RSF1: variants seen among roughly 807,000 people sequenced by gnomAD.
RSF1 encodes the protein remodeling and spacing factor 1, also known as HBV pX-associated protein 8.
RSF1 carries 13 observed loss-of-function variants against 145.2 expected under a neutral mutation model. The observed-to-expected ratio is 0.09, with a 90% confidence interval of 0.06 to 0.14. The LOEUF (loss-of-function observed/expected upper bound fraction) is 0.14, where lower values mean the gene tolerates loss of function less well. Among genes scored for constraint, RSF1 ranks in the 10% least tolerant of loss-of-function variants. The probability of loss-of-function intolerance (pLI) is 1.00; values close to 1 mark genes in which losing one functional copy is unlikely to be tolerated. For missense variants in RSF1, 1,517 were observed against 1,718.2 expected, an observed-to-expected ratio of 0.88 and a Z score of 2.07; for synonymous variants, 577 against 592.6, an observed-to-expected ratio of 0.97 and a Z score of 0.38.
Position 77,756,068 on chromosome 11 carries a change from AC to A in RSF1, c.279+8529del, listed in dbSNP as rs1345175293. 3.3e-5 allele frequency among the ~76,000 whole-genome samples: 5 copies of A among 152,106 alleles called. No homozygotes were observed. The East Asian group carries it at 7.7e-4, about 23-fold the overall frequency. On this transcript the variant is annotated intron_variant, in intron 2 of 15. Coordinates refer to ENST00000308488, the MANE Select transcript of RSF1 (RefSeq NM_016578.4). Reference sequence around the variant, plus strand: ...AGGTAACATAACACATCCTAAAGAAACTTTTCAGGCCAGGCGTGGTGGCTCA... The same window carrying A: ...AGGTAACATAACACATCCTAAAGAAATTTTCAGGCCAGGCGTGGTGGCTCA...
intron 7 of RSF1, among the ~76,000 whole-genome samples, chr11:77,696,687 T>C (rs2135847241): frequency 6.6e-6 from 1 of 152,336 alleles, no homozygotes; most frequent in South Asian, 2.1e-4. Flanking sequence ...AGTGATGCTT[T>C]TTTTTCTTGA....
intron 5 of RSF1, chr11:77,703,308 G>T (rs1315104517): frequency 6.6e-6 from 1 of 152,060 alleles, no homozygotes; most frequent in Non-Finnish European, 1.5e-5. Flanking sequence ...CCTAATACTA[G>T]TGCAGATTTA....
chr11:77,737,466 A>C (rs922976476), intron 4 of RSF1, among the ~76,000 whole-genome samples: 8 of 144,298 alleles, frequency 5.5e-5, no homozygotes, highest in East Asian at 2.0e-4. Flanking sequence ...AAAAAAAAAA[A>C]CCAAAAAACA....
At chr11:77,850,015 G>T in the RSF1 span, among the ~76,000 whole-genome samples, 3 of 152,162 alleles carry the variant, frequency 2.0e-5, no homozygotes, top group Non-Finnish European at 1.5e-5. Context: ...AGGTTAGCAA[G>T]AACTATGCAT....
At chr11:77,850,065 T>G in the RSF1 span, among the ~76,000 whole-genome samples, 3 of 152,222 alleles carry the variant, frequency 2.0e-5, no homozygotes, top group African/African-American at 7.2e-5. Context: ...AATAAATGTT[T>G]GCTGAATTGA....
intron 5 of RSF1, among the ~76,000 whole-genome samples, chr11:77,723,347 T>A (rs1960981551): frequency 6.6e-6 from 1 of 152,060 alleles, no homozygotes; most frequent in Non-Finnish European, 1.5e-5. Flanking sequence ...TGTAGTCTTA[T>A]CTACTCAGGA....
chr11:77,686,875 G>C (rs1232851692), intron 9 of RSF1, among the ~76,000 whole-genome samples: 1 of 152,084 alleles, frequency 6.6e-6, no homozygotes, highest in Non-Finnish European at 1.5e-5. Flanking sequence ...TACACTCATT[G>C]GCATAAAGTA....
At chr11:77,755,578 A>T (rs1169236307) in intron 2 of RSF1, among the ~76,000 whole-genome samples, 11 of 133,654 alleles carry the variant, frequency 8.2e-5, no homozygotes, top group Non-Finnish European at 1.4e-4. Flanking sequence ...AATCTGAATC[A>T]AGAAGATTTT....
intron 11 of RSF1, among the ~76,000 whole-genome samples, chr11:77,682,749 AC>A (rs983804362): frequency 2.6e-5 from 4 of 152,232 alleles, no homozygotes; most frequent in African/African-American, 9.6e-5. Context: ...CATCACAACC[AC>A]ACTCATTACA....
Position 77,681,163 on chromosome 11 carries a change from G to T in RSF1, c.3065+2547C>A, listed in dbSNP as rs149186618. ...AAGATTTCTGAATACAACACTCCAT[G>T]TATCTATAGTCCCTTGGTCTTGGTT... is the stretch of plus-strand genomic sequence containing the variant. On this transcript the variant is annotated intron_variant, in intron 11 of 15. Coordinates refer to ENST00000308488, the MANE Select transcript of RSF1 (RefSeq NM_016578.4). Among the ~76,000 whole-genome samples, 161 of 152,226 alleles carry T rather than the reference G, an allele frequency of 1.1e-3. 1 individual carries two copies. The highest frequency in any genetic ancestry group is 3.8e-3 in the African/African-American group (157 of 41,524).
intron 5 of RSF1, among the ~76,000 whole-genome samples, chr11:77,722,790 T>C (rs1960970190): frequency 6.6e-6 from 1 of 152,240 alleles, no homozygotes; most frequent in African/African-American, 2.4e-5. Context: ...GTTGTTATTG[T>C]TGAAATCCCC....
rs1491534916 is a variant in RSF1, at chr11:77,737,621, G to GGGTGTGTGTGTGT, written c.578+3109_578+3110insACACACACACACC. Among the ~76,000 whole-genome samples, 183 of 93,534 alleles carry GGGTGTGTGTGTGT rather than the reference G, an allele frequency of 2.0e-3. 1 individual carries two copies. The highest frequency in any genetic ancestry group is 0.016 in the Admixed American group (140 of 8,498). The allele number at this position is 93,534 out of a possible 152,430, so 61.4% of individuals were successfully genotyped here. A position where few individuals can be genotyped will look rare whatever the true frequency, so the allele number is the denominator to read the frequency against. On this transcript the variant is annotated intron_variant, in intron 4 of 15. Transcript: ENST00000308488. ...GAAAGAAGTTTTATGTGTTTTGGGG[G>GGGTGTGTGTGTGT]GTGTGTGTGTGTGTGTGTGTGTGTG... is the stretch of plus-strand genomic sequence containing the variant.
Position 77,701,022 on chromosome 11 carries a change from G to C in RSF1, c.2207C>G (p.Thr736Arg), listed in dbSNP as rs1460920444. The C allele has an allele frequency of 6.2e-7, 1 of 1,613,572 alleles. No homozygotes were observed. The highest frequency in any genetic ancestry group is 1.3e-5 in the African/African-American group (1 of 74,910). Residue 736 changes from threonine (T) to arginine (R), a missense_variant, in exon 6 of 16, where the codon ACA (threonine) becomes AGA (arginine). Physicochemically the swap from Thr to Arg is moderately conservative, Grantham distance 71. This residue lies in a region of RSF1 where 579 missense variants were observed against 553.5 expected (regional missense o/e 1.05). Coordinates refer to ENST00000308488, the MANE Select transcript of RSF1 (RefSeq NM_016578.4). The part of the protein sequence containing the change: ...SERQKEGIKL[T>R]IRISSRKKKP... The stretch of plus-strand genomic sequence containing the variant: ...CTTTTTCCGACTTGATATCCTGATT[G>C]TTAATTTGATGCCCTCTTTCTGCCT...
At chr11:77,794,962 AT>A (rs1303310011) in intron 1 of RSF1, among the ~76,000 whole-genome samples, 6 of 152,190 alleles carry the variant, frequency 3.9e-5, no homozygotes, top group Non-Finnish European at 5.9e-5. Context: ...AAACCTAAAG[AT>A]TTTACCAAAT....
the RSF1 span, among the ~76,000 whole-genome samples, chr11:77,852,995 T>C: frequency 6.6e-6 from 1 of 152,184 alleles, no homozygotes; most frequent in African/African-American, 2.4e-5. Context: ...CAATACTACA[T>C]TGAATAACCA....
chr11:77,808,527 CTTTTTTTTTT>C (rs745630976), intron 1 of RSF1, among the ~76,000 whole-genome samples: 5 of 59,996 alleles, frequency 8.3e-5, no homozygotes, highest in Admixed American at 6.4e-4. Context: ...AATATTATAC[CTTTTTTTTTT>C]TTTTTTTTTT....
the RSF1 span, chr11:77,872,232 C>T: frequency 6.2e-7 from 1 of 1,613,774 alleles, no homozygotes; most frequent in Non-Finnish European, 8.5e-7. Context: ...GCGGGTCCTC[C>T]AGACAGAGCA....
In RSF1 at chr11:77,722,503, C is replaced by G. The variant is rs554537836; in HGVS notation, c.733+3042G>C. On this transcript the variant is annotated intron_variant, in intron 5 of 15. Transcript: ENST00000308488. Reference sequence around the variant, plus strand: ...CAGATTCTGTACTTTAAAAAACTCCCGAAGTGAACACCCAGCATATTAAAG... The same window carrying G: ...CAGATTCTGTACTTTAAAAAACTCCGGAAGTGAACACCCAGCATATTAAAG... 2.0e-5 allele frequency among the ~76,000 whole-genome samples: 3 copies of G among 152,084 alleles called. No individual in the cohort carries two copies. The East Asian group carries it at 5.8e-4, about 29-fold the overall frequency.
chr11:77,870,727 A>T, the RSF1 span, among the ~76,000 whole-genome samples: 1 of 152,116 alleles, frequency 6.6e-6, no homozygotes, highest in Non-Finnish European at 1.5e-5. Flanking sequence ...AAGGTGGGAG[A>T]TTCCCTTCCC....
Sources: gnomAD v4.1 joint callset for allele counts (sites outside exome capture counted in the v4.1 genomes callset) on GRCh38, gnomAD v4.1.1 for gene constraint, gnomAD v4.1.1 regional missense constraint, MANE v1.5 for transcripts, NCBI Gene and HGNC (gene_info 2026-07-23, HGNC 2026-07-21) for gene names.